Variants in RPS6KA6 observed in about 807,000 individuals in gnomAD.
RPS6KA6 encodes the protein ribosomal protein S6 kinase alpha-6.
A neutral mutation model predicts 65.4 loss-of-function variants in RPS6KA6; 27 were observed. The observed-to-expected ratio is 0.41, with a 90% CI of 0.30 to 0.57. RPS6KA6 has a LOEUF of 0.57. Ranked by LOEUF, RPS6KA6 falls within the 20% of genes least tolerant of loss-of-function variation. The probability of loss-of-function intolerance (pLI) is 0.24; values close to 1 mark genes in which losing one functional copy is unlikely to be tolerated. For missense variants in RPS6KA6, 486 were observed against 555.6 expected (o/e 0.87, Z 1.26); for synonymous variants, 190 against 184.2 (o/e 1.03, Z -0.26).
At position 84,064,275 on chromosome X, in the gene RPS6KA6, T is replaced by C; in HGVS notation, c.*2A>G. The C allele has an allele frequency of 8.3e-7, 1 of 1,207,182 alleles. No individual in the cohort carries two copies. The highest frequency in any genetic ancestry group is 1.1e-6 in the Non-Finnish European group (1 of 893,470). ...CAGTTTGGCCTAGGAACACCACAAA[T>C]CTTACAGGCCAGTTGATGTTCGCTT... is the stretch of plus-strand genomic sequence containing the variant. On this transcript the variant is annotated 3_prime_UTR_variant, in exon 22 of 22. Coordinates refer to ENST00000262752, the MANE Select transcript of RPS6KA6 (RefSeq NM_014496.5).
chrX:84,137,922 T>C (rs1308096221), intron 6 of RPS6KA6, among the ~76,000 whole-genome samples: 1 of 112,004 alleles, frequency 8.9e-6, no homozygotes, highest in Non-Finnish European at 1.9e-5. Flanking sequence ...GCTAGTCAAA[T>C]GTATGATGAT....
intron 8 of RPS6KA6, 113 bp downstream of exon 8, chrX:84,134,669 T>C: frequency 4.3e-6 from 2 of 467,444 alleles, no homozygotes; most frequent in South Asian, 7.7e-5. Flanking sequence ...AAGAGACAAA[T>C]AAATTGCAAA....
intron 12 of RPS6KA6, among the ~76,000 whole-genome samples, chrX:84,110,153 G>A (rs1355294793): frequency 8.9e-6 from 1 of 111,956 alleles, no homozygotes; most frequent in East Asian, 2.8e-4. Context: ...ACTGCGGTCT[G>A]GAGATACACG....
intron 2 of RPS6KA6, among the ~76,000 whole-genome samples, chrX:84,157,586 T>A (rs1039645961): frequency 9.0e-6 from 1 of 110,798 alleles, no homozygotes; most frequent in Non-Finnish European, 1.9e-5. Flanking sequence ...CTTGGCTAAA[T>A]CACAAATCAC....
At chrX:84,069,883 T>C (rs920535185) in intron 20 of RPS6KA6, among the ~76,000 whole-genome samples, 1 of 110,540 alleles carries the variant, frequency 9.0e-6, no homozygotes, top group Non-Finnish European at 1.9e-5. Context: ...CCAGTTAGAG[T>C]GGTGATCATT....
At chrX:84,106,877 C>A in intron 14 of RPS6KA6, 33 bp downstream of exon 14, 3 of 1,091,753 alleles carry the variant, frequency 2.7e-6, no homozygotes, top group Non-Finnish European at 2.5e-6. Flanking sequence ...ATAATTATCC[C>A]AAAACTGAAT....
intron 20 of RPS6KA6, among the ~76,000 whole-genome samples, chrX:84,088,770 GGGGCCCTACCTCA>G (rs1385082679): frequency 1.8e-5 from 2 of 112,341 alleles, no homozygotes; most frequent in Non-Finnish European, 3.8e-5. Flanking sequence ...CCCTTCCCCG[GGGGCCCTACCTCA>G]GGGAGAAATC....
chrX:84,185,300 C>T (rs1386274965), intron 1 of RPS6KA6, among the ~76,000 whole-genome samples: 1 of 111,533 alleles, frequency 9.0e-6, no homozygotes, highest in African/African-American at 3.3e-5. Flanking sequence ...CCAAAAGATT[C>T]CAGGTTTCCC....
chrX:84,134,181 C>A (rs1322276886), intron 8 of RPS6KA6, among the ~76,000 whole-genome samples: 1 of 111,790 alleles, frequency 8.9e-6, no homozygotes, highest in South Asian at 3.7e-4. Context: ...CTTTTTACTG[C>A]TGAGTAGTAT....
chrX:84,131,495 G>A (rs952117593), intron 8 of RPS6KA6, among the ~76,000 whole-genome samples: 2 of 111,720 alleles, frequency 1.8e-5, no homozygotes, highest in Admixed American at 1.9e-4. Flanking sequence ...TCTAGTCTTC[G>A]AGGTCAGTTC....
intron 20 of RPS6KA6, among the ~76,000 whole-genome samples, chrX:84,087,623 G>C (rs925684387): frequency 1.9e-4 from 21 of 111,235 alleles, no homozygotes; most frequent in Non-Finnish European, 5.7e-5. Context: ...AGAATCTGAT[G>C]ATTATGTACC....
intron 1 of RPS6KA6, among the ~76,000 whole-genome samples, chrX:84,176,682 T>C (rs1257820294): frequency 8.9e-6 from 1 of 111,834 alleles, no homozygotes; most frequent in Non-Finnish European, 1.9e-5. Flanking sequence ...ATTAATTAAA[T>C]AACACATACC....
Position 84,134,823 on chromosome X carries a change from T to C in RPS6KA6, c.609-4A>G. The C allele has an allele frequency of 1.8e-6, 2 of 1,119,168 alleles. No homozygotes were observed. Among genetic ancestry groups the C allele is most frequent in the Non-Finnish European group, 2.4e-6 (2 of 833,739 alleles). 92.2% of individuals were successfully genotyped at this position (1,119,168 alleles called of 1,213,427 possible). A position where few individuals can be genotyped will look rare whatever the true frequency, so the allele number is the denominator to read the frequency against. ...TCCTATTTCATCAAGCAAAATGCTG[T>C]AAATCAAAATTCACATTCAACAAGA... On this transcript the variant is annotated splice_region_variant and splice_polypyrimidine_tract_variant and intron_variant, in intron 7 of 21. Coordinates refer to ENST00000262752, the MANE Select transcript of RPS6KA6 (RefSeq NM_014496.5).
chrX:84,067,432 A>C (rs2033428936), intron 20 of RPS6KA6, among the ~76,000 whole-genome samples: 1 of 111,778 alleles, frequency 8.9e-6, no homozygotes, highest in Non-Finnish European at 1.9e-5. Flanking sequence ...GAGGAACATA[A>C]ATGACCTGAT....
Position 84,104,567 on chromosome X carries a change from A to C in RPS6KA6, c.1546T>G (p.Ser516Ala), listed in dbSNP as rs1371549024. The C allele has an allele frequency of 8.4e-7, 1 of 1,189,445 alleles. No individual in the cohort carries two copies. The highest frequency in any genetic ancestry group is 1.9e-5 in the South Asian group (1 of 53,673). Reference sequence around the variant, plus strand: ...AGTATATCACTAGCCTCCCGTTCCGAGAAACATTTTTGTTTGAGAATACGG... The same window carrying C: ...AGTATATCACTAGCCTCCCGTTCCGCGAAACATTTTTGTTTGAGAATACGG... ...LDRILKQKCFSEREASDILYV... is the reference protein window; with the variant it reads ...LDRILKQKCFAEREASDILYV... The change falls in exon 17 of 22, where the codon TCG becomes GCG. Residue 516 changes from serine to alanine, a missense_variant. Around this residue, in one of 3 missense-constraint regions of RPS6KA6, gnomAD observed 345 missense variants for 375.0 expected, o/e 0.92. Coordinates refer to ENST00000262752, the MANE Select transcript of RPS6KA6 (RefSeq NM_014496.5).
chrX:84,132,092 T>C (rs1468524055), intron 8 of RPS6KA6, among the ~76,000 whole-genome samples: 1 of 111,822 alleles, frequency 8.9e-6, no homozygotes, highest in African/African-American at 3.2e-5. Context: ...TTCTTCCCTC[T>C]CTTTGTAGAA....
At chrX:84,141,350 C>T (rs2147531112) in intron 6 of RPS6KA6, among the ~76,000 whole-genome samples, 1 of 106,621 alleles carries the variant, frequency 9.4e-6, no homozygotes, top group East Asian at 2.9e-4. Flanking sequence ...TATTAAATTA[C>T]ACAACAAAGT....
chrX:84,164,633 C>T (rs1374452835), intron 1 of RPS6KA6, among the ~76,000 whole-genome samples: 1 of 111,399 alleles, frequency 9.0e-6, no homozygotes, highest in Non-Finnish European at 1.9e-5. Flanking sequence ...TAGAGTTTTG[C>T]AATAACAGAT....
intron 12 of RPS6KA6, among the ~76,000 whole-genome samples, chrX:84,110,833 C>T (rs1390610711): frequency 9.0e-6 from 1 of 110,786 alleles, no homozygotes; most frequent in Non-Finnish European, 1.9e-5. Context: ...CAGTACCTAC[C>T]TAGCAATGAA....
Sources: gnomAD v4.1 joint callset for allele counts (sites outside exome capture counted in the v4.1 genomes callset) on GRCh38, gnomAD v4.1.1 for gene constraint, gnomAD v4.1.1 regional missense constraint, MANE v1.5 for transcripts, NCBI Gene and HGNC (gene_info 2026-07-23, HGNC 2026-07-21) for gene names.